Variants in ZNF385B observed in about 807,000 individuals in gnomAD.
ZNF385B encodes the protein zinc finger protein 385B.
ZNF385B carries 23 observed loss-of-function variants against 39.2 expected under a neutral mutation model. That is an observed-to-expected ratio of 0.59 (90% CI 0.42 to 0.83). The LOEUF (loss-of-function observed/expected upper bound fraction) is 0.83, where lower values mean the gene tolerates loss of function less well. ZNF385B is among the 40% of genes least tolerant of loss of function. ZNF385B has a pLI of 0.00. For synonymous variants in ZNF385B, 205 were observed against 222.6 expected (o/e 0.92, Z 0.70); for missense variants, 552 against 598.9 (o/e 0.92, Z 0.82).
At chr2:179,470,131 T>C (rs1434693688) in intron 6 of ZNF385B, among the ~76,000 whole-genome samples, 2 of 152,160 alleles carry the variant, frequency 1.3e-5, no homozygotes, top group South Asian at 2.1e-4. Context: ...CTTTCTCTCC[T>C]TTCCCTGTTC....
intron 3 of ZNF385B, among the ~76,000 whole-genome samples, chr2:179,760,223 C>CACGCGT (rs1553525686): frequency 1.4e-5 from 2 of 144,476 alleles, no homozygotes; most frequent in Admixed American, 6.9e-5. Flanking sequence ...TTCCTGTGTG[C>CACGCGT]GTGTGTGTGT....
At chr2:179,519,543 A>G (rs2058335296) in intron 4 of ZNF385B, among the ~76,000 whole-genome samples, 1 of 152,244 alleles carries the variant, frequency 6.6e-6, no homozygotes, top group Non-Finnish European at 1.5e-5. Flanking sequence ...GTACTCCAAC[A>G]GAAAAAGTAT....
chr2:179,657,193 T>A (rs549234562), intron 3 of ZNF385B, among the ~76,000 whole-genome samples: 1 of 152,258 alleles, frequency 6.6e-6, no homozygotes, highest in East Asian at 1.9e-4. Context: ...AACACAAGTA[T>A]TTGAAGAAAA....
intron 1 of ZNF385B, among the ~76,000 whole-genome samples, chr2:179,798,718 T>G (rs546016896): frequency 1.4e-4 from 21 of 152,164 alleles, no homozygotes; most frequent in Non-Finnish European, 2.6e-4. Context: ...TTGGTAAGTA[T>G]AGTCAAATTA....
At chr2:179,744,427 A>G (rs569731935) in intron 3 of ZNF385B, among the ~76,000 whole-genome samples, 68 of 152,190 alleles carry the variant, frequency 4.5e-4, no homozygotes, top group African/African-American at 1.6e-3. Context: ...AAGAGCTGCT[A>G]AACGAGAAAC....
chr2:179,524,551 C>CAAAAAAAAGAAAAAAAAAAAAA lies in ZNF385B; in HGVS notation c.442-5914_442-5913insTTTTTTTTTTTTTCTTTTTTTT, dbSNP rs1300764305. Among the ~76,000 whole-genome samples, 15 of 60,990 alleles carry CAAAAAAAAGAAAAAAAAAAAAA rather than the reference C, an allele frequency of 2.5e-4. 2 individuals carry two copies. The highest frequency in any genetic ancestry group is 2.9e-4 in the Non-Finnish European group (11 of 37,648). The allele number at this position is 60,990 out of a possible 152,430, so 40.0% of individuals were successfully genotyped here. A position where few individuals can be genotyped will look rare whatever the true frequency, so the allele number is the denominator to read the frequency against. On this transcript the variant is annotated intron_variant, in intron 4 of 9. Transcript: ENST00000410066. ...TGGGTGACAGAGCGAGACTCCGTCTCAAAAAAAAAAAAAAAAAAAAAAAAA... is the reference window on the plus strand; with the variant it reads ...TGGGTGACAGAGCGAGACTCCGTCTCAAAAAAAAGAAAAAAAAAAAAAAAAAAAAAAAAAAAAAAAAAAAAAA...
At position 179,805,156 on chromosome 2, in the gene ZNF385B, T is replaced by C. The variant is rs558810451; in HGVS notation, c.-154-34484A>G. On this transcript the variant is annotated intron_variant, in intron 1 of 9. Coordinates refer to ENST00000410066, the MANE Select transcript of ZNF385B (RefSeq NM_152520.6). ...TTCTGTTCTTGGAACCCGGCCACTG[T>C]ACTAGGAAAAAACCATGCCATATGG... 2.6e-5 allele frequency among the ~76,000 whole-genome samples: 4 copies of C among 152,230 alleles called. No homozygotes were observed. In the East Asian group the frequency reaches 5.8e-4, roughly 22 times the overall value.
intron 3 of ZNF385B, among the ~76,000 whole-genome samples, chr2:179,611,883 C>T (rs538883092): frequency 6.6e-6 from 1 of 151,798 alleles, no homozygotes; most frequent in East Asian, 1.9e-4. Context: ...TCTCCTTTTC[C>T]ACCTCTAATT....
chr2:179,443,665 G>A (rs955860657), intron 9 of ZNF385B, among the ~76,000 whole-genome samples, 197 bp from the exon 10 acceptor site: 2 of 152,106 alleles, frequency 1.3e-5, no homozygotes, highest in African/African-American at 2.4e-5. Context: ...TTTATTTGGT[G>A]GTCTTTGCTC....
intron 1 of ZNF385B, among the ~76,000 whole-genome samples, chr2:179,774,293 G>A (rs1211675868): frequency 6.6e-6 from 1 of 151,922 alleles, no homozygotes; most frequent in Non-Finnish European, 1.5e-5. Context: ...TAATATGTGT[G>A]TGGTATGGGC....
intron 3 of ZNF385B, among the ~76,000 whole-genome samples, chr2:179,700,808 T>C (rs545940565): frequency 6.6e-6 from 1 of 152,234 alleles, no homozygotes; most frequent in Non-Finnish European, 1.5e-5. Context: ...GGACAAGAGA[T>C]TGAGACCATC....
intron 1 of ZNF385B, among the ~76,000 whole-genome samples, chr2:179,801,209 A>G (rs1317552593): frequency 6.6e-6 from 1 of 152,040 alleles, no homozygotes; most frequent in African/African-American, 2.4e-5. Context: ...CCTTCATACT[A>G]TGGAGTTGTT....
At chr2:179,605,311 T>C (rs1688715576) in intron 3 of ZNF385B, among the ~76,000 whole-genome samples, 1 of 152,184 alleles carries the variant, frequency 6.6e-6, no homozygotes, top group Non-Finnish European at 1.5e-5. Flanking sequence ...CTGTGCTATT[T>C]CATTTCTGTC....
At chr2:179,679,053 C>T (rs1515286) in intron 3 of ZNF385B, among the ~76,000 whole-genome samples, 11 of 151,824 alleles carry the variant, frequency 7.2e-5, no homozygotes, top group South Asian at 6.2e-4. Flanking sequence ...CAGTGTTAGA[C>T]GCTCATGTAA....
At chr2:179,796,616 T>C (rs1428344854) in intron 1 of ZNF385B, among the ~76,000 whole-genome samples, 1 of 152,206 alleles carries the variant, frequency 6.6e-6, no homozygotes, top group Non-Finnish European at 1.5e-5. Context: ...AGAGAGTGGC[T>C]AGTACTGCCT....
intron 3 of ZNF385B, among the ~76,000 whole-genome samples, chr2:179,572,790 G>A (rs1685377678): frequency 6.6e-6 from 1 of 152,110 alleles, no homozygotes; most frequent in Non-Finnish European, 1.5e-5. Flanking sequence ...CTGAGGTTGT[G>A]CAAGGCCTGT....
At chr2:179,587,863 C>T (rs1053466093) in intron 3 of ZNF385B, among the ~76,000 whole-genome samples, 2 of 152,190 alleles carry the variant, frequency 1.3e-5, no homozygotes, top group African/African-American at 4.8e-5. Context: ...CTTCTATTTT[C>T]TCCTAATAAT....
In ZNF385B at chr2:179,565,744, G is replaced by A. The variant is rs188545629; in HGVS notation, c.299-20775C>T. Among the ~76,000 whole-genome samples, 8 of 152,218 alleles carry A rather than the reference G, an allele frequency of 5.3e-5. No individual in the cohort carries two copies. The South Asian group carries it at 1.0e-3, about 20-fold the overall frequency. The stretch of plus-strand genomic sequence containing the variant: ...TTTTTGTCTCCTTTTAAATTCTCTC[G>A]ATTTTCAAGTGACATTTTAAATGCC... On this transcript the variant is annotated intron_variant, in intron 3 of 9. Coordinates refer to ENST00000410066, the MANE Select transcript of ZNF385B (RefSeq NM_152520.6).
chr2:179,545,024 C>T, intron 3 of ZNF385B, 55 bp from the exon 4 acceptor site: 1 of 1,610,510 alleles, frequency 6.2e-7, no homozygotes, highest in South Asian at 1.1e-5. Flanking sequence ...CCATCTCCCT[C>T]CCAAACCTAC....
Sources: gnomAD v4.1 joint callset for allele counts (sites outside exome capture counted in the v4.1 genomes callset) on GRCh38, gnomAD v4.1.1 for gene constraint, MANE v1.5 for transcripts, NCBI Gene and HGNC (gene_info 2026-07-23, HGNC 2026-07-21) for gene names.